KIRREL3: variants seen among roughly 807,000 people sequenced by gnomAD.
The protein encoded by KIRREL3 is kin of IRRE-like protein 3.
A neutral mutation model predicts 89.7 loss-of-function variants in KIRREL3; 36 were observed. The observed-to-expected ratio is 0.40, with a 90% CI of 0.31 to 0.53. KIRREL3 has a LOEUF of 0.53. Ranked by LOEUF, KIRREL3 falls within the 20% of genes least tolerant of loss-of-function variation. The pLI, the probability that KIRREL3 is intolerant of heterozygous loss-of-function variation, is 0.49. For synonymous variants in KIRREL3, 445 were observed against 441.4 expected (o/e 1.01, Z -0.10); for missense variants, 864 against 1,056.6 (o/e 0.82, Z 2.53).
rs757885483 is a variant in KIRREL3 at position 126,694,132 on chromosome 11, G to A, written c.56-131220C>T. ...GGGAGCATGGGCTCCATCCCTAAGG[G>A]AGCCACATTCGTTTTTTTTCCTTTC... On this transcript the variant is annotated intron_variant, in intron 1 of 16. Transcript: ENST00000525144. This position sits in a 1 kb window ranked among gnomAD's most constrained non-coding sequence, Gnocchi z 4.4. 6.6e-6 allele frequency among the ~76,000 whole-genome samples: 1 copy of A among 152,256 alleles called. No individual in the cohort carries two copies. The highest frequency in any genetic ancestry group is 6.5e-5 in the Admixed American group (1 of 15,292).
At chr11:126,451,579 T>TGC (rs1328497070) in intron 7 of KIRREL3, among the ~76,000 whole-genome samples, 6 of 149,312 alleles carry the variant, frequency 4.0e-5, no homozygotes, top group South Asian at 2.1e-4. Flanking sequence ...TGCATGTGTG[T>TGC]GTGCGTGTGT....
intron 1 of KIRREL3, among the ~76,000 whole-genome samples, chr11:126,699,146 G>A (rs1947215854): frequency 6.6e-6 from 1 of 152,202 alleles, no homozygotes; most frequent in Admixed American, 6.5e-5. Flanking sequence ...CTAGAGGTGT[G>A]GTGGTGGCAG....
intron 1 of KIRREL3, among the ~76,000 whole-genome samples, chr11:126,836,856 A>G (rs1943798763): frequency 6.6e-6 from 1 of 152,168 alleles, no homozygotes; most frequent in African/African-American, 2.4e-5. Context: ...TTCGCATGAC[A>G]TCCTGTGCCT....
intron 1 of KIRREL3, among the ~76,000 whole-genome samples, chr11:126,590,821 C>G (rs1942097670): frequency 6.6e-6 from 1 of 152,204 alleles, no homozygotes; most frequent in African/African-American, 2.4e-5. Flanking sequence ...CACTCCCTCG[C>G]TGGCCATCCC....
Position 126,564,810 on chromosome 11 carries a change from G to C in KIRREL3, c.56-1898C>G, listed in dbSNP as rs748249561. Among the ~76,000 whole-genome samples the C allele has an allele frequency of 2.1e-4, 32 of 152,208 alleles. No individual in the cohort carries two copies. Among genetic ancestry groups the C allele is most frequent in the Non-Finnish European group, 3.8e-4 (26 of 68,042 alleles). ...GGGGGCCAGTGGAAGTACAAGCTGCGAGGAGGTGCTGAGCTCCCTGGAACA... is the reference window on the plus strand; with the variant it reads ...GGGGGCCAGTGGAAGTACAAGCTGCCAGGAGGTGCTGAGCTCCCTGGAACA... On this transcript the variant is annotated intron_variant, in intron 1 of 16. Coordinates refer to ENST00000525144, the MANE Select transcript of KIRREL3 (RefSeq NM_032531.4). This position sits in a 1 kb window ranked among gnomAD's most constrained non-coding sequence, Gnocchi z 7.4.
At chr11:126,663,055 T>C (rs1379053048) in intron 1 of KIRREL3, among the ~76,000 whole-genome samples, 5 of 151,804 alleles carry the variant, frequency 3.3e-5, no homozygotes, top group Non-Finnish European at 1.5e-5. Flanking sequence ...TACTGCCCGA[T>C]CTTGGCAAGG....
chr11:126,748,268 T>C lies in KIRREL3; in HGVS notation c.56-185356A>G, dbSNP rs1949220023. Among the ~76,000 whole-genome samples the C allele has an allele frequency of 1.3e-5, 2 of 152,186 alleles. No individual in the cohort carries two copies. Reference sequence around the variant, plus strand: ...TCACCAGCCACTTCCTTTTACTCCCTTGCCCAGGCTTCAGCGGCAGAAGAC... The same window carrying C: ...TCACCAGCCACTTCCTTTTACTCCCCTGCCCAGGCTTCAGCGGCAGAAGAC... On this transcript the variant is annotated intron_variant, in intron 1 of 16. Coordinates refer to ENST00000525144, the MANE Select transcript of KIRREL3 (RefSeq NM_032531.4). This position sits in a 1 kb window ranked among gnomAD's most constrained non-coding sequence, Gnocchi z 4.6.
chr11:126,665,623 G>A (rs769723706), intron 1 of KIRREL3, among the ~76,000 whole-genome samples: 3 of 152,146 alleles, frequency 2.0e-5, no homozygotes, highest in Non-Finnish European at 4.4e-5. Context: ...CCAGGAGGCG[G>A]GTCTGGACCA....
In KIRREL3 at chr11:126,860,683, GTGTT is replaced by G. The variant is rs1183226683; in HGVS notation, c.55+139768_55+139771del. ...ACAGAAGAATGGCTTGGGGGGCTGTGTGTTTGAGAGACTTCTTCCCAACCACAGG... is the reference window on the plus strand; with the variant it reads ...ACAGAAGAATGGCTTGGGGGGCTGTGTGAGAGACTTCTTCCCAACCACAGG... On this transcript the variant is annotated intron_variant, in intron 1 of 16. Coordinates refer to ENST00000525144, the MANE Select transcript of KIRREL3 (RefSeq NM_032531.4). This position sits in a 1 kb window ranked among gnomAD's most constrained non-coding sequence, Gnocchi z 4.6. Among the ~76,000 whole-genome samples, 10 of 152,314 alleles carry G rather than the reference GTGTT, an allele frequency of 6.6e-5. No homozygotes were observed. Among genetic ancestry groups the G allele is most frequent in the Non-Finnish European group, 1.0e-4 (7 of 68,024 alleles).
chr11:126,500,332 C>G (rs1477515596), intron 4 of KIRREL3, among the ~76,000 whole-genome samples: 1 of 152,078 alleles, frequency 6.6e-6, no homozygotes, highest in Non-Finnish European at 1.5e-5. Flanking sequence ...TGGTGCATCT[C>G]AGCTGAGAGA....
At chr11:126,929,284 T>A (rs574857385) in intron 1 of KIRREL3, among the ~76,000 whole-genome samples, 2 of 152,206 alleles carry the variant, frequency 1.3e-5, no homozygotes, top group East Asian at 1.9e-4. Context: ...CAGAGCCTCC[T>A]CCCAGGTCCA....
At position 126,973,487 on chromosome 11, in the gene KIRREL3, G is replaced by A. The variant is rs1336606244; in HGVS notation, c.55+26968C>T. On this transcript the variant is annotated intron_variant, in intron 1 of 16. Coordinates refer to ENST00000525144, the MANE Select transcript of KIRREL3 (RefSeq NM_032531.4). ...GCTGAAATCATTGTTCAGAGCTTAG[G>A]TCTAGATCCATTTCTGTTACAGACT... Among the ~76,000 whole-genome samples, 6 of 152,152 alleles carry A rather than the reference G, an allele frequency of 3.9e-5. 1 individual carries two copies. The highest frequency in any genetic ancestry group is 3.9e-4 in the Admixed American group (6 of 15,266).
At position 126,747,365 on chromosome 11, in the gene KIRREL3, A is replaced by C. The variant is rs1186984543; in HGVS notation, c.56-184453T>G. On this transcript the variant is annotated intron_variant, in intron 1 of 16. Coordinates refer to ENST00000525144, the MANE Select transcript of KIRREL3 (RefSeq NM_032531.4). This position sits in a 1 kb window ranked among gnomAD's most constrained non-coding sequence, Gnocchi z 4.7. Reference sequence around the variant, plus strand: ...AGCGTAGCGTAAGTCCTCCATACTGAAAGCTAGTACCGTCGTCCCATGCTC... The same window carrying C: ...AGCGTAGCGTAAGTCCTCCATACTGCAAGCTAGTACCGTCGTCCCATGCTC... 6.6e-6 allele frequency among the ~76,000 whole-genome samples: 1 copy of C among 152,212 alleles called. No homozygotes were observed. The highest frequency in any genetic ancestry group is 2.4e-5 in the African/African-American group (1 of 41,452).
Position 126,677,173 on chromosome 11 carries a change from A to G in KIRREL3, c.56-114261T>C, listed in dbSNP as rs1385388357. Among the ~76,000 whole-genome samples, 1 of 152,022 alleles carries G rather than the reference A, an allele frequency of 6.6e-6. No homozygotes were observed. The highest frequency in any genetic ancestry group is 1.5e-5 in the Non-Finnish European group (1 of 67,994). On this transcript the variant is annotated intron_variant, in intron 1 of 16. Transcript: ENST00000525144. The surrounding 1 kb of genome is among the most constrained non-coding windows in gnomAD (Gnocchi z 5.1). The stretch of plus-strand genomic sequence containing the variant: ...CAACCACCACCACAGTCCATTTAGA[A>G]CCTTTTAAAATCACCCCAAAGAAAC...
chr11:126,595,347 C>A (rs1213372486), intron 1 of KIRREL3, among the ~76,000 whole-genome samples: 1 of 152,200 alleles, frequency 6.6e-6, no homozygotes, highest in African/African-American at 2.4e-5. Flanking sequence ...GCTGGCAGGG[C>A]CCTTGGCAAA....
chr11:126,510,011 AAAAAAAAG>A, intron 4 of KIRREL3, among the ~76,000 whole-genome samples: 1 of 149,442 alleles, frequency 6.7e-6, no homozygotes, highest in African/African-American at 2.5e-5. Context: ...AAAAAAAAAA[AAAAAAAAG>A]AAAAAAGAAA....
rs755614481 is a variant in KIRREL3 at position 126,550,835 on chromosome 11, G to A, written c.133+12000C>T. On this transcript the variant is annotated intron_variant, in intron 2 of 16. Transcript: ENST00000525144. The surrounding 1 kb of genome is among the most constrained non-coding windows in gnomAD (Gnocchi z 4.9). Reference sequence around the variant, plus strand: ...CTGTGGCCAAACAGGTGGGAGCAGCGGACACCAGCTGGGTGTCCTCCAATT... The same window carrying A: ...CTGTGGCCAAACAGGTGGGAGCAGCAGACACCAGCTGGGTGTCCTCCAATT... Among the ~76,000 whole-genome samples, 4 of 152,152 alleles carry A rather than the reference G, an allele frequency of 2.6e-5. No individual in the cohort carries two copies. Among genetic ancestry groups the A allele is most frequent in the Admixed American group, 6.5e-5 (1 of 15,296 alleles).
Position 126,551,882 on chromosome 11 carries a change from G to T in KIRREL3, c.133+10953C>A, listed in dbSNP as rs1939295039. 6.6e-6 allele frequency among the ~76,000 whole-genome samples: 1 copy of T among 152,182 alleles called. No individual in the cohort carries two copies. The highest frequency in any genetic ancestry group is 1.5e-5 in the Non-Finnish European group (1 of 68,030). On this transcript the variant is annotated intron_variant, in intron 2 of 16. Coordinates refer to ENST00000525144, the MANE Select transcript of KIRREL3 (RefSeq NM_032531.4). The surrounding 1 kb of genome is among the most constrained non-coding windows in gnomAD (Gnocchi z 4.9). The stretch of plus-strand genomic sequence containing the variant: ...GCTGGTCTTGAACTCCTGACCTCAG[G>T]TGATCCACCCGCCTTGGCCTCCCAA...
chr11:126,639,143 G>GA lies in KIRREL3; in HGVS notation c.56-76232dup, dbSNP rs1289240287. 6.6e-6 allele frequency among the ~76,000 whole-genome samples: 1 copy of GA among 152,166 alleles called. No homozygotes were observed. The highest frequency in any genetic ancestry group is 1.5e-5 in the Non-Finnish European group (1 of 68,032). ...CAATCATCCCAAAGCCCAGTTAAGA[G>GA]AAACACTTCGGTGCTAATAGATCTG... is the stretch of plus-strand genomic sequence containing the variant. On this transcript the variant is annotated intron_variant, in intron 1 of 16. Coordinates refer to ENST00000525144, the MANE Select transcript of KIRREL3 (RefSeq NM_032531.4). The surrounding 1 kb of genome is among the most constrained non-coding windows in gnomAD (Gnocchi z 4.3).
Sources: allele counts gnomAD v4.1 joint callset (sites outside exome capture counted in the v4.1 genomes callset), GRCh38; gene constraint gnomAD v4.1.1; non-coding constraint Gnocchi (gnomAD v3.1); transcripts MANE v1.5; gene names NCBI Gene and HGNC (gene_info 2026-07-23, HGNC 2026-07-21).